Variants in RECQL5 observed in about 807,000 individuals in gnomAD.
The protein encoded by RECQL5 is RecQ like helicase 5, also known as ATP-dependent DNA helicase Q5.
Under a neutral mutation model 103.4 loss-of-function variants are expected in RECQL5, and 88 were observed. The observed-to-expected ratio is 0.85, with a 90% CI of 0.72 to 1.02. The LOEUF is 1.02. RECQL5 is among the 50% of genes least tolerant of loss of function. The probability of loss-of-function intolerance (pLI) is 0.00; values close to 1 mark genes in which losing one functional copy is unlikely to be tolerated. For synonymous variants in RECQL5, 552 were observed against 507.9 expected (o/e 1.09, Z -1.17); for missense variants, 1,232 against 1,284.3 (o/e 0.96, Z 0.62).
At position 75,636,950 on chromosome 17, in the gene RECQL5, C is replaced by T. The variant is rs990735328; in HGVS notation, c.1230-5282G>A. The T allele has an allele frequency of 6.6e-6, 1 of 152,216 alleles. No homozygotes were observed. The highest frequency in any genetic ancestry group is 1.5e-5 in the Non-Finnish European group (1 of 68,052). 9.4% of individuals were successfully genotyped at this position (152,216 alleles called of 1,614,324 possible). ...GTCAGCCCCCTAGGGAAGCCCTGGG[C>T]GCAAAGCTATGACACTGTCCACAGC... On this transcript the variant is annotated intron_variant, in intron 8 of 19. Coordinates refer to ENST00000317905, the MANE Select transcript of RECQL5 (RefSeq NM_004259.7). This position sits in a 1 kb window ranked among gnomAD's most constrained non-coding sequence, Gnocchi z 5.4.
chr17:75,647,413 G>T lies in RECQL5; in HGVS notation c.1229+3773C>A, dbSNP rs78900078. 6.8e-4 allele frequency: 1,054 copies of T among 1,549,932 alleles called. 19 individuals carry two copies. The East Asian group carries it at 0.021, about 31-fold the overall frequency. On this transcript the variant is annotated intron_variant, in intron 8 of 19. Coordinates refer to ENST00000317905, the MANE Select transcript of RECQL5 (RefSeq NM_004259.7). ...GGTATTCAAAGAGACAATCTGGAAT[G>T]ATGCGTTCTGGCAGAACCCCTGGGA...
In RECQL5 at chr17:75,627,477, C is replaced by T. The variant is rs374012200; in HGVS notation, c.2921G>A (p.Arg974Gln). The T allele has an allele frequency of 5.0e-5, 81 of 1,613,734 alleles. 1 individual carries two copies. Among genetic ancestry groups the T allele is most frequent in the Admixed American group, 3.8e-4 (23 of 60,002 alleles). The change falls in exon 20 of 20, where the codon CGG (arginine) becomes CAG (glutamine). Residue 974 changes from arginine (R) to glutamine (Q), a missense_variant. Arg to Gln is a conservative substitution (Grantham distance 43, BLOSUM62 1). Coordinates refer to ENST00000317905, the MANE Select transcript of RECQL5 (RefSeq NM_004259.7). ...GTCAGCTTCGCTCTCGCACCGGGCC[C>T]GGCCATGGAAGAAGTGCCTGATGAG... ...QNLIRHFFHG[R>Q]ARCESEADWH...
rs1358684003 is a variant in RECQL5, at chr17:75,662,758, T to C, written c.492A>G (p.Gln164=). 2.5e-6 allele frequency: 4 copies of C among 1,614,038 alleles called. No individual in the cohort carries two copies. Among genetic ancestry groups the C allele is most frequent in the South Asian group, 1.1e-5 (1 of 91,084 alleles). The change falls in exon 4 of 20, where the codon CAA becomes CAG. Residue 164 remains glutamine (Q), a synonymous_variant. Transcript: ENST00000317905. ...AGTCAGGACGAAAGTCATGCCCCCA[T>C]TGGGAAACACAATGAGCTTCATCCA... ...LVVDEAHCVS[Q]WGHDFRPDYL... is the part of the protein sequence containing the mutation.
chr17:75,627,472 G>C lies in RECQL5; in HGVS notation c.2926C>G (p.Arg976Gly). The C allele has an allele frequency of 6.2e-7, 1 of 1,613,770 alleles. No homozygotes were observed. Among genetic ancestry groups the C allele is most frequent in the Non-Finnish European group, 8.5e-7 (1 of 1,180,020 alleles). ...LIRHFFHGRA[R>G]CESEADWHGL... is the part of the protein sequence containing the mutation. ...TGCCAGTCAGCTTCGCTCTCGCACC[G>C]GGCCCGGCCATGGAAGAAGTGCCTG... The change falls in exon 20 of 20, where the codon CGG (arginine) becomes GGG (glycine). Residue 976 changes from arginine to glycine, a missense_variant. Transcript: ENST00000317905.
In RECQL5 at chr17:75,627,275, G is replaced by T; in HGVS notation, c.*147C>A. The T allele has an allele frequency of 1.4e-6, 1 of 718,884 alleles. No homozygotes were observed. Among genetic ancestry groups the T allele is most frequent in the South Asian group, 1.5e-5 (1 of 65,442 alleles). 44.5% of individuals were successfully genotyped at this position (718,884 alleles called of 1,614,324 possible). A position where few individuals can be genotyped will look rare whatever the true frequency, so the allele number is the denominator to read the frequency against. On this transcript the variant is annotated 3_prime_UTR_variant, in exon 20 of 20. Transcript: ENST00000317905. The stretch of plus-strand genomic sequence containing the variant: ...CTGACCTCTGACCTGGATTCAGGGG[G>T]TGTCTGGGGTCATCCCCAAAGCCAA...
rs752801193 is a variant in RECQL5, at chr17:75,628,753, C to A, written c.2499G>T (p.Pro833=). The change falls in exon 17 of 20, where the codon CCG becomes CCT. Residue 833 remains proline, a synonymous_variant. Transcript: ENST00000317905. ...ECLRERPSTC[P]PRDQGTPEVQ... Reference sequence around the variant, plus strand: ...CTTCAGGGGTGCCCTGGTCTCTGGGCGGGCAGGTGCTGGTAGAGGGAAGAG... The same window carrying A: ...CTTCAGGGGTGCCCTGGTCTCTGGGAGGGCAGGTGCTGGTAGAGGGAAGAG... 7 of 1,593,720 alleles carry A rather than the reference C, an allele frequency of 4.4e-6. No homozygotes were observed. In the Admixed American group the frequency reaches 1.1e-4, roughly 26 times the overall value.
chr17:75,653,096 G>T (rs1171355732), intron 7 of RECQL5, among the ~76,000 whole-genome samples: 1 of 152,200 alleles, frequency 6.6e-6, no homozygotes, highest in Non-Finnish European at 1.5e-5. Context: ...ACCAGTCCCT[G>T]CCACATCCTC....
At chr17:75,651,364 G>A (rs1034342022) in intron 7 of RECQL5, 99 bp from the exon 8 acceptor site, 2 of 1,370,460 alleles carry the variant, frequency 1.5e-6, no homozygotes, top group Non-Finnish European at 2.1e-6. Flanking sequence ...GCTCACGGCT[G>A]TAATCCCAGC....
In RECQL5 at chr17:75,640,696, GA is replaced by G; in HGVS notation, c.1230-9029del. ...TCTGACCTCCACCAAACCTGTGGGG[GA>G]AAGACCCTGGCAGGCAGTGGGTTTC... is the stretch of plus-strand genomic sequence containing the variant. On this transcript the variant is annotated intron_variant, in intron 8 of 19. Coordinates refer to ENST00000317905, the MANE Select transcript of RECQL5 (RefSeq NM_004259.7). The surrounding 1 kb of genome is among the most constrained non-coding windows in gnomAD (Gnocchi z 4.6). 6.7e-7 allele frequency: 1 copy of G among 1,499,118 alleles called. No individual in the cohort carries two copies. 92.9% of individuals were successfully genotyped at this position (1,499,118 alleles called of 1,614,324 possible).
intron 8 of RECQL5, among the ~76,000 whole-genome samples, chr17:75,632,124 C>T (rs962784282): frequency 1.3e-5 from 2 of 152,240 alleles, no homozygotes; most frequent in African/African-American, 4.8e-5. Context: ...GTCTGAAGTG[C>T]ATTACAGTAC....
Position 75,627,200 on chromosome 17 carries a change from G to C in RECQL5, c.*222C>G, listed in dbSNP as rs548508385. 12 of 655,538 alleles carry C rather than the reference G, an allele frequency of 1.8e-5. No homozygotes were observed. The highest frequency in any genetic ancestry group is 3.6e-5 in the African/African-American group (2 of 56,050). 40.6% of individuals were successfully genotyped at this position (655,538 alleles called of 1,614,324 possible). On this transcript the variant is annotated 3_prime_UTR_variant, in exon 20 of 20. Transcript: ENST00000317905. ...GTGTCCCAGAAAACCCAGCCATGAG[G>C]ACCGCTCTGAGAAGGGTCTATAGGC...
intron 8 of RECQL5, among the ~76,000 whole-genome samples, chr17:75,633,142 TGGTTCATCC>T (rs2148247123): frequency 6.6e-6 from 1 of 152,302 alleles, no homozygotes; most frequent in Non-Finnish European, 1.5e-5. Flanking sequence ...ATGCAACAAA[TGGTTCATCC>T]CCAGGAGTCC....
intron 7 of RECQL5, among the ~76,000 whole-genome samples, chr17:75,655,330 C>T (rs1323686369): frequency 6.6e-6 from 1 of 151,668 alleles, no homozygotes; most frequent in Non-Finnish European, 1.5e-5. Context: ...CTTGGCCTCC[C>T]AAAGTGCTGG....
At chr17:75,633,383 C>G (rs1009840347) in intron 8 of RECQL5, 1 of 1,234,544 alleles carries the variant, frequency 8.1e-7, no homozygotes, top group Non-Finnish European at 1.1e-6. Flanking sequence ...TCACAGGGCC[C>G]GGCCCCTGGA....
intron 6 of RECQL5, among the ~76,000 whole-genome samples, chr17:75,658,993 T>C (rs528317517): frequency 6.6e-6 from 1 of 152,188 alleles, no homozygotes; most frequent in Admixed American, 6.5e-5. Flanking sequence ...CCTAGGGGTG[T>C]CTGCCTTCAA....
Position 75,662,461 on chromosome 17 carries a change from T to A in RECQL5, c.771+18A>T. The A allele has an allele frequency of 1.9e-6, 3 of 1,607,232 alleles. No homozygotes were observed. Among genetic ancestry groups the A allele is most frequent in the South Asian group, 2.2e-5 (2 of 90,292 alleles). On this transcript the variant is annotated intron_variant, in intron 4 of 19. Coordinates refer to ENST00000317905, the MANE Select transcript of RECQL5 (RefSeq NM_004259.7). ...CCACTGCTCTAACAGCTGCTTGGCC[T>A]CCACCTCAATGCCTCACCCCTTTAT...
At chr17:75,630,014 A>C (rs2148225463) in intron 14 of RECQL5, among the ~76,000 whole-genome samples, 170 bp downstream of exon 14, 1 of 152,074 alleles carries the variant, frequency 6.6e-6, no homozygotes, top group Non-Finnish European at 1.5e-5. Context: ...TTGGCTAGAA[A>C]CATGTCCAGC....
At chr17:75,649,658 A>G (rs1181634905) in intron 8 of RECQL5, 20 of 985,486 alleles carry the variant, frequency 2.0e-5, no homozygotes, top group Non-Finnish European at 2.4e-5. Context: ...TTTGTGCTAC[A>G]CGCCAGTTAT....
intron 8 of RECQL5, chr17:75,639,165 C>T (rs1042614197): frequency 2.0e-5 from 3 of 152,336 alleles, no homozygotes; most frequent in African/African-American, 7.2e-5. Flanking sequence ...ACTGGCCTCA[C>T]TGACGTAGCC....
Sources: allele counts gnomAD v4.1 joint callset (sites outside exome capture counted in the v4.1 genomes callset), GRCh38; gene constraint gnomAD v4.1.1; non-coding constraint Gnocchi (gnomAD v3.1); transcripts MANE v1.5; gene names NCBI Gene and HGNC (gene_info 2026-07-23, HGNC 2026-07-21).